Variants in CACNB2 observed in about 807,000 individuals in gnomAD.
CACNB2 encodes calcium voltage-gated channel auxiliary subunit beta 2.
CACNB2 carries 42 observed loss-of-function variants against 73.3 expected under a neutral mutation model. The ratio of observed to expected loss-of-function variants is 0.57; its 90% confidence interval spans 0.45 to 0.74. The LOEUF is 0.74. CACNB2 is among the 30% of genes least tolerant of loss of function. The pLI is 0.00. For missense variants in CACNB2, 940 were observed against 853.0 expected, an observed-to-expected ratio of 1.10 and a Z score of -1.27; for synonymous variants, 348 against 310.3, an observed-to-expected ratio of 1.12 and a Z score of -1.28.
chr10:18,229,148 T>C (rs369873446), intron 2 of CACNB2, among the ~76,000 whole-genome samples: 5 of 152,342 alleles, frequency 3.3e-5, no homozygotes, highest in African/African-American at 1.2e-4. Context: ...ATGTAAGTAA[T>C]GATAGTGTAA....
At chr10:18,484,421 A>T (rs200806924) in intron 3 of CACNB2, among the ~76,000 whole-genome samples, 1 of 151,450 alleles carries the variant, frequency 6.6e-6, no homozygotes, top group Non-Finnish European at 1.5e-5. Flanking sequence ...TAGATACAGT[A>T]TAGAGAAAAC....
intron 3 of CACNB2, among the ~76,000 whole-genome samples, chr10:18,481,132 C>T (rs1225610452): frequency 1.4e-5 from 2 of 139,230 alleles, no homozygotes; most frequent in Non-Finnish European, 3.0e-5. Flanking sequence ...TGGGCAGACA[C>T]ACCCAGTGCA....
intron 3 of CACNB2, among the ~76,000 whole-genome samples, chr10:18,495,584 T>TGTGTGTGTGTGTGTG (rs1263263494): frequency 5.8e-5 from 8 of 138,308 alleles, no homozygotes; most frequent in African/African-American, 1.9e-4. Context: ...TGTGTGTGTG[T>TGTGTGTGTGTGTGTG]GTGTGTGTAT....
At chr10:18,449,689 C>A (rs1226302971) in intron 3 of CACNB2, among the ~76,000 whole-genome samples, 2 of 152,228 alleles carry the variant, frequency 1.3e-5, no homozygotes, top group African/African-American at 2.4e-5. Flanking sequence ...GGAGTCCGAG[C>A]AGTCTATGGG....
In CACNB2 at chr10:18,526,814, C is replaced by T. The variant is rs143319631; in HGVS notation, c.945-774C>T. 3.9e-4 allele frequency among the ~76,000 whole-genome samples: 60 copies of T among 152,166 alleles called. No homozygotes were observed. In the Middle Eastern group the frequency reaches 0.01, roughly 26 times the overall value. On this transcript the variant is annotated intron_variant, in intron 9 of 13. Transcript: ENST00000324631. Reference sequence around the variant, plus strand: ...TTAGCTATCTGAGGGAAGACTGGTTCTTATTTATTTTTCATGCCTATCACA... The same window carrying T: ...TTAGCTATCTGAGGGAAGACTGGTTTTTATTTATTTTTCATGCCTATCACA...
chr10:18,527,449 G>T (rs1405801795), intron 9 of CACNB2, 139 bp from the exon 10 acceptor site: 2 of 644,358 alleles, frequency 3.1e-6, no homozygotes, highest in African/African-American at 3.7e-5. Flanking sequence ...AAATGAATAA[G>T]TAAGTATCCT....
chr10:18,291,359 G>C (rs746978058), intron 2 of CACNB2, among the ~76,000 whole-genome samples: 1 of 152,312 alleles, frequency 6.6e-6, no homozygotes, highest in African/African-American at 2.4e-5. Flanking sequence ...ATTGGGAATT[G>C]CAATTGAACA....
At chr10:18,153,891 A>G (rs988093326) in intron 2 of CACNB2, among the ~76,000 whole-genome samples, 2 of 147,736 alleles carry the variant, frequency 1.4e-5, no homozygotes, top group Non-Finnish European at 3.0e-5. Flanking sequence ...AGCATACTAG[A>G]TTATTAAGTA....
At position 18,262,117 on chromosome 10, in the gene CACNB2, A is replaced by G. The variant is rs138778867; in HGVS notation, c.213+111142A>G. 851 of 448,204 alleles carry G rather than the reference A, an allele frequency of 1.9e-3. 11 individuals carry two copies. Among genetic ancestry groups the G allele is most frequent in the African/African-American group, 0.016 (796 of 49,702 alleles). 27.8% of individuals were successfully genotyped at this position (448,204 alleles called of 1,614,324 possible). On this transcript the variant is annotated intron_variant, in intron 2 of 13. Coordinates refer to ENST00000324631, the MANE Select transcript of CACNB2 (RefSeq NM_201596.3). ...GGCAAACTGCAGTGCTGAATTGCTTAACACTGGTTTGACATTCCTGACTGC... is the reference window on the plus strand; with the variant it reads ...GGCAAACTGCAGTGCTGAATTGCTTGACACTGGTTTGACATTCCTGACTGC...
chr10:18,520,481 T>C (rs2051751253), intron 9 of CACNB2, among the ~76,000 whole-genome samples: 1 of 152,208 alleles, frequency 6.6e-6, no homozygotes, highest in Non-Finnish European at 1.5e-5. Context: ...TCTCCTTGCT[T>C]CTGTGGTTGT....
intron 2 of CACNB2, among the ~76,000 whole-genome samples, chr10:18,334,812 A>G (rs746656662): frequency 1.3e-5 from 2 of 152,202 alleles, no homozygotes; most frequent in Non-Finnish European, 2.9e-5. Context: ...TTATTTGGCA[A>G]TTCTGGTGTG....
chr10:18,506,960 G>A (rs1467385758), intron 6 of CACNB2, among the ~76,000 whole-genome samples: 5 of 152,116 alleles, frequency 3.3e-5, no homozygotes, highest in South Asian at 2.1e-4. Context: ...CACCATGCCC[G>A]GCTAATTTTT....
At chr10:18,261,274 A>G (rs1452151012) in intron 2 of CACNB2, 3 of 1,551,418 alleles carry the variant, frequency 1.9e-6, no homozygotes, top group South Asian at 1.2e-5. Context: ...CTCTTCATGC[A>G]GTGCTGCGGG....
At chr10:18,259,262 GCTTTAAATCATAGA>G (rs1256974892) in intron 2 of CACNB2, among the ~76,000 whole-genome samples, 4 of 151,946 alleles carry the variant, frequency 2.6e-5, no homozygotes, top group Non-Finnish European at 4.4e-5. Context: ...TAAAAGTGTT[GCTTTAAATCATAGA>G]CTTTAAAGGC....
intron 3 of CACNB2, among the ~76,000 whole-genome samples, chr10:18,450,273 C>G (rs889566572): frequency 1.3e-5 from 2 of 152,024 alleles, no homozygotes; most frequent in Admixed American, 6.6e-5. Flanking sequence ...AAAACACTAC[C>G]GTTGTATGCC....
chr10:18,478,296 C>T (rs1425749795), intron 3 of CACNB2, among the ~76,000 whole-genome samples: 1 of 152,150 alleles, frequency 6.6e-6, no homozygotes, highest in African/African-American at 2.4e-5. Flanking sequence ...TCTGGAAAAC[C>T]ACCAGGGTAG....
At chr10:18,277,483 A>T (rs2038349112) in intron 2 of CACNB2, among the ~76,000 whole-genome samples, 1 of 152,256 alleles carries the variant, frequency 6.6e-6, no homozygotes, top group South Asian at 2.1e-4. Context: ...ACACTCTAAT[A>T]CAACGAGGAA....
At chr10:18,399,866 AAT>A (rs1412183837) in intron 2 of CACNB2, among the ~76,000 whole-genome samples, 1 of 152,172 alleles carries the variant, frequency 6.6e-6, no homozygotes, top group East Asian at 1.9e-4. Flanking sequence ...TAGTACAGGA[AAT>A]TAATAACTTT....
At chr10:18,227,568 C>T (rs1408811122) in intron 2 of CACNB2, among the ~76,000 whole-genome samples, 1 of 152,164 alleles carries the variant, frequency 6.6e-6, no homozygotes, top group Non-Finnish European at 1.5e-5. Flanking sequence ...ATCAAAGAGA[C>T]AGTTTGTTGG....
Sources: gnomAD v4.1 joint callset for allele counts (sites outside exome capture counted in the v4.1 genomes callset) on GRCh38, gnomAD v4.1.1 for gene constraint, MANE v1.5 for transcripts, NCBI Gene and HGNC (gene_info 2026-07-23, HGNC 2026-07-21) for gene names.